AGBL1: variants seen among roughly 807,000 people sequenced by gnomAD.
The protein encoded by AGBL1 is AGBL carboxypeptidase 1, also known as cytosolic carboxypeptidase 4.
In AGBL1, 130 loss-of-function variants were observed where a neutral mutation model predicts 118.9. The ratio of observed to expected loss-of-function variants is 1.09; its 90% CI spans 0.95 to 1.26. The LOEUF (loss-of-function observed/expected upper bound fraction) is 1.26. Ranked by LOEUF, AGBL1 falls within the 50% of genes most tolerant of loss-of-function variation. The probability of loss-of-function intolerance (pLI) is 0.00; values close to 1 mark genes in which losing one functional copy is unlikely to be tolerated. For missense variants in AGBL1, 1,584 were observed against 1,298.1 expected, an observed-to-expected ratio of 1.22 and a Z score of -3.38; for synonymous variants, 555 against 478.9, an observed-to-expected ratio of 1.16 and a Z score of -2.08.
intron 21 of AGBL1, among the ~76,000 whole-genome samples, chr15:86,633,796 AATGTATATATATATAAT>A (rs1567093871): frequency 2.2e-4 from 15 of 67,140 alleles, no homozygotes; most frequent in East Asian, 2.0e-3. Flanking sequence ...ATATATATAT[AATGTATATATATATAAT>A]GTATGTATAT....
At chr15:86,580,097 A>G (rs539816853) in intron 21 of AGBL1, among the ~76,000 whole-genome samples, 6 of 152,362 alleles carry the variant, frequency 3.9e-5, no homozygotes, top group Admixed American at 2.0e-4. Context: ...ATTCTTGAGT[A>G]TATAATCAGA....
At chr15:86,935,300 A>G (rs1244164836) in intron 23 of AGBL1, 2 of 152,226 alleles carry the variant, frequency 1.3e-5, no homozygotes, top group Non-Finnish European at 2.9e-5. Flanking sequence ...ACTGTGAGTC[A>G]CCACACGGAG....
chr15:86,928,117 G>C (rs1405696062), intron 23 of AGBL1, among the ~76,000 whole-genome samples: 1 of 152,180 alleles, frequency 6.6e-6, no homozygotes, highest in Non-Finnish European at 1.5e-5. Flanking sequence ...TTTAAACTAA[G>C]AATATCAAGA....
intron 23 of AGBL1, among the ~76,000 whole-genome samples, chr15:86,978,981 A>G (rs1411544876): frequency 6.6e-6 from 1 of 152,200 alleles, no homozygotes; most frequent in Non-Finnish European, 1.5e-5. Flanking sequence ...AGGAGATATT[A>G]ACATGTCTGT....
At chr15:86,492,544 C>A (rs534995207) in intron 18 of AGBL1, among the ~76,000 whole-genome samples, 9 of 147,610 alleles carry the variant, frequency 6.1e-5, no homozygotes, top group African/African-American at 2.0e-4. Context: ...GAGCTGAGAT[C>A]ACACCACTGG....
At chr15:86,614,336 G>A (rs2084694734) in intron 21 of AGBL1, among the ~76,000 whole-genome samples, 1 of 149,800 alleles carries the variant, frequency 6.7e-6, no homozygotes, top group Non-Finnish European at 1.5e-5. Flanking sequence ...TGATAATATT[G>A]CTGTTCACAT....
intron 22 of AGBL1, among the ~76,000 whole-genome samples, chr15:86,853,728 T>G (rs1239350918): frequency 6.6e-6 from 1 of 152,228 alleles, no homozygotes; most frequent in Non-Finnish European, 1.5e-5. Context: ...CATCTAGTTT[T>G]AAAACATTTG....
At chr15:86,267,333 C>T (rs2142043069) in intron 13 of AGBL1, among the ~76,000 whole-genome samples, 1 of 152,008 alleles carries the variant, frequency 6.6e-6, no homozygotes, top group East Asian at 1.9e-4. Flanking sequence ...GCTAAGTGAG[C>T]CATTCAGTAG....
At chr15:87,018,082 A>T (rs549254743) in intron 24 of AGBL1, among the ~76,000 whole-genome samples, 1 of 152,202 alleles carries the variant, frequency 6.6e-6, no homozygotes, top group Admixed American at 6.6e-5. Flanking sequence ...AAAAATAATG[A>T]AAAGGAATGA....
Position 86,748,479 on chromosome 15 carries a change from A to T in AGBL1, c.3158+74043A>T, listed in dbSNP as rs1421021122. Among the ~76,000 whole-genome samples the T allele has an allele frequency of 8.8e-4, 48 of 54,340 alleles. 1 individual carries two copies. In the East Asian group the frequency reaches 0.029, roughly 32 times the overall value. The allele number at this position is 54,340 out of a possible 152,430, so 35.6% of individuals were successfully genotyped here. On this transcript the variant is annotated intron_variant, in intron 22 of 22. Coordinates refer to ENST00000614907, the MANE Select transcript of AGBL1 (RefSeq NM_001386094.1). ...TTCTTTTGTTGTGCAGAAGCTCTTTAGTTGAATTAGATCCCATTTGTCAAT... is the reference window on the plus strand; with the variant it reads ...TTCTTTTGTTGTGCAGAAGCTCTTTTGTTGAATTAGATCCCATTTGTCAAT...
chr15:86,116,902 A>T (rs1440498182), intron 1 of AGBL1, among the ~76,000 whole-genome samples: 1 of 151,798 alleles, frequency 6.6e-6, no homozygotes, highest in Non-Finnish European at 1.5e-5. Flanking sequence ...ACAGTTGGTA[A>T]CCAAGCATCT....
intron 18 of AGBL1, among the ~76,000 whole-genome samples, chr15:86,399,045 A>G (rs890742248): frequency 2.0e-5 from 3 of 152,034 alleles, no homozygotes; most frequent in Admixed American, 2.0e-4. Flanking sequence ...TTGGGCAGAG[A>G]GCAGGGTTTC....
rs1337918180 is a variant in AGBL1, at chr15:86,524,832, C to CT, written c.2685+1900dup. Among the ~76,000 whole-genome samples, 23 of 152,208 alleles carry CT rather than the reference C, an allele frequency of 1.5e-4. 1 individual carries two copies. The East Asian group carries it at 4.4e-3, about 29-fold the overall frequency. The stretch of plus-strand genomic sequence containing the variant: ...AACCCTCTAGTCTTGCTGAGTCAAT[C>CT]TTTTTTTGCTTAGAGAACAAAGTGG... On this transcript the variant is annotated intron_variant, in intron 19 of 22. Coordinates refer to ENST00000614907, the MANE Select transcript of AGBL1 (RefSeq NM_001386094.1).
intron 22 of AGBL1, among the ~76,000 whole-genome samples, chr15:86,906,155 A>G (rs1331245191): frequency 1.3e-5 from 2 of 152,242 alleles, no homozygotes; most frequent in African/African-American, 2.4e-5. Flanking sequence ...CTTGCCTTCT[A>G]TAAATCACAG....
chr15:86,513,448 T>C (rs1596209361), intron 18 of AGBL1, among the ~76,000 whole-genome samples: 1 of 152,072 alleles, frequency 6.6e-6, no homozygotes, highest in African/African-American at 2.4e-5. Context: ...CAAATGGTGA[T>C]GTTAACTTTG....
At chr15:86,294,711 G>T (rs189340440) in intron 16 of AGBL1, among the ~76,000 whole-genome samples, 3 of 151,960 alleles carry the variant, frequency 2.0e-5, no homozygotes, top group Admixed American at 6.5e-5. Context: ...TTAATTTTAA[G>T]GAAGGCATGC....
intron 1 of AGBL1, among the ~76,000 whole-genome samples, chr15:86,110,688 A>AT (rs1277345647): frequency 1.3e-5 from 2 of 152,114 alleles, no homozygotes; most frequent in Non-Finnish European, 2.9e-5. Context: ...TAATCATTTT[A>AT]TTTTTTATGG....
chr15:86,482,453 C>A (rs2082664242), intron 18 of AGBL1, among the ~76,000 whole-genome samples: 1 of 152,126 alleles, frequency 6.6e-6, no homozygotes, highest in African/African-American at 2.4e-5. Context: ...ATTAACTCTA[C>A]TTTGGATTAA....
intron 23 of AGBL1, among the ~76,000 whole-genome samples, chr15:86,985,019 G>T (rs1412976781): frequency 6.6e-6 from 1 of 152,130 alleles, no homozygotes; most frequent in Non-Finnish European, 1.5e-5. Context: ...CTTTTACTCA[G>T]CATAATGATT....
Sources: gnomAD v4.1 joint callset for allele counts (sites outside exome capture counted in the v4.1 genomes callset) on GRCh38, gnomAD v4.1.1 for gene constraint, MANE v1.5 for transcripts, NCBI Gene and HGNC (gene_info 2026-07-23, HGNC 2026-07-21) for gene names.